Variants in CDK12 observed in about 807,000 individuals in gnomAD.
CDK12 encodes cyclin-dependent kinase 12.
CDK12 carries 17 observed loss-of-function variants against 133.8 expected under a neutral mutation model. The observed-to-expected ratio is 0.13, with a 90% CI of 0.09 to 0.19. The LOEUF (loss-of-function observed/expected upper bound fraction) is 0.19, where lower values mean the gene tolerates loss of function less well. Ranked by LOEUF, CDK12 falls within the 10% of genes least tolerant of loss-of-function variation. The pLI, the probability that CDK12 is intolerant of heterozygous loss-of-function variation, is 1.00. For missense variants in CDK12, 1,508 were observed against 1,818.7 expected (o/e 0.83, Z 3.11); for synonymous variants, 694 against 683.6 (o/e 1.02, Z -0.24).
At chr17:39,536,791 T>G (rs1286511219), downstream of CDK12, among the ~76,000 whole-genome samples, 1 of 152,262 alleles carries the variant, frequency 6.6e-6, no homozygotes, top group East Asian at 1.9e-4. Context: ...AGAAAGAGAC[T>G]GATACTGAGT....
rs141941796 is a variant in CDK12, at chr17:39,490,104, C to T, written c.1932-453C>T. ...TATCTCAGCCAGGCATGGTGGCTCA[C>T]GCCTGTAATCCCAGCATTTTGGGAG... is the stretch of plus-strand genomic sequence containing the variant. On this transcript the variant is annotated intron_variant, in intron 2 of 13. Coordinates refer to ENST00000447079, the MANE Select transcript of CDK12 (RefSeq NM_016507.4). Among the ~76,000 whole-genome samples, 177 of 151,934 alleles carry T rather than the reference C, an allele frequency of 1.2e-3. 3 individuals carry two copies. The East Asian group carries it at 0.032, about 27-fold the overall frequency.
chr17:39,552,360 G>A (rs962176939), intron 2 of CDK12, among the ~76,000 whole-genome samples: 2 of 152,196 alleles, frequency 1.3e-5, no homozygotes, highest in Non-Finnish European at 2.9e-5. Context: ...CAAGGCAGAG[G>A]GCGAAGTTTG....
downstream of CDK12, among the ~76,000 whole-genome samples, chr17:39,565,552 G>A (rs1377851011): frequency 6.6e-6 from 1 of 152,024 alleles, no homozygotes; most frequent in African/African-American, 2.4e-5. Context: ...TTCTGCCTCA[G>A]CCTCCCAAGT....
At chr17:39,542,546 G>A (rs951210888) in intron 1 of CDK12, among the ~76,000 whole-genome samples, 1 of 148,792 alleles carries the variant, frequency 6.7e-6, no homozygotes, top group Non-Finnish European at 1.5e-5. Context: ...TTTCATTCTT[G>A]TTGCCCAGGC....
chr17:39,552,313 CT>C (rs2055987452), intron 2 of CDK12, among the ~76,000 whole-genome samples: 1 of 152,198 alleles, frequency 6.6e-6, no homozygotes, highest in Non-Finnish European at 1.5e-5. Flanking sequence ...GGAAGATTCT[CT>C]TGTTGGGAGA....
chr17:39,544,158 A>G (rs532315850), upstream of CDK12: 16 of 471,844 alleles, frequency 3.4e-5, no homozygotes, highest in East Asian at 3.3e-4. Context: ...TTACCTACCA[A>G]TGGATGCTTC....
downstream of CDK12, among the ~76,000 whole-genome samples, chr17:39,537,896 A>C (rs576916832): frequency 6.6e-6 from 1 of 152,260 alleles, no homozygotes; most frequent in South Asian, 2.1e-4. Flanking sequence ...AGAGGGATAC[A>C]GGATGGAAGG....
At chr17:39,492,332 G>A (rs1203899270) in intron 3 of CDK12, among the ~76,000 whole-genome samples, 6 of 150,690 alleles carry the variant, frequency 4.0e-5, no homozygotes, top group African/African-American at 7.3e-5. Context: ...TCCTGACCTC[G>A]TGATCCACCT....
chr17:39,512,537 A>T (rs536465999), intron 8 of CDK12, among the ~76,000 whole-genome samples: 1 of 152,348 alleles, frequency 6.6e-6, no homozygotes, highest in South Asian at 2.1e-4. Flanking sequence ...TTATGGCCTT[A>T]TTAGGGCAGT....
intron 2 of CDK12, among the ~76,000 whole-genome samples, chr17:39,481,633 GCTCT>G (rs58047556): frequency 1.0e-3 from 18 of 17,594 alleles, no homozygotes; most frequent in East Asian, 5.6e-3. Flanking sequence ...TCGCTCGCGC[GCTCT>G]CTCTCTCTCT....
At chr17:39,505,808 G>C (rs150054359) in intron 6 of CDK12, among the ~76,000 whole-genome samples, 1 of 152,274 alleles carries the variant, frequency 6.6e-6, no homozygotes, top group East Asian at 1.9e-4. Flanking sequence ...ATATATGCAG[G>C]TTCTATAAAG....
intron 11 of CDK12, among the ~76,000 whole-genome samples, chr17:39,522,572 T>G (rs2146637304): frequency 6.6e-6 from 1 of 152,188 alleles, no homozygotes; most frequent in Admixed American, 6.5e-5. Flanking sequence ...GTAGCTGGAT[T>G]ACAGGAGCCC....
At chr17:39,539,870 C>T (rs2055328370) in intron 1 of CDK12, among the ~76,000 whole-genome samples, 1 of 152,076 alleles carries the variant, frequency 6.6e-6, no homozygotes, top group East Asian at 1.9e-4. Context: ...GAAGAGGGCT[C>T]ATGTATGTTT....
chr17:39,546,560 T>A (rs1340423471), upstream of CDK12: 1 of 152,254 alleles, frequency 6.6e-6, no homozygotes, highest in Non-Finnish European at 1.5e-5. Context: ...TCAGTCAAGA[T>A]AGGGCAGTTC....
chr17:39,531,012 A>G lies in CDK12; in HGVS notation c.4169A>G (p.Gln1390Arg), dbSNP rs1481156236. 7.4e-6 allele frequency: 12 copies of G among 1,614,080 alleles called. No homozygotes were observed. Residue 1390 changes from glutamine (Q) to arginine (R), a missense_variant, in exon 14 of 14, where the codon CAG becomes CGG. Gln to Arg is a conservative substitution (Grantham distance 43). Transcript: ENST00000447079. ...CACCTTGGGGAGTCCAGCAGTTACC[A>G]GGGCACAGGGTCAGTGCAGTTTCCA... ...LSHLGESSSY[Q>R]GTGSVQFPGD...
At chr17:39,504,911 AAG>A (rs1376425769) in intron 6 of CDK12, among the ~76,000 whole-genome samples, 1 of 139,016 alleles carries the variant, frequency 7.2e-6, no homozygotes, top group East Asian at 2.2e-4. Context: ...GCTAAGGAGA[AAG>A]AAAATCTATA....
intron 10 of CDK12, 142 bp downstream of exon 10, chr17:39,517,698 A>G (rs983290407): frequency 2.2e-5 from 13 of 594,754 alleles, no homozygotes; most frequent in Middle Eastern, 3.1e-4. Flanking sequence ...CGAACAGTAT[A>G]TGAGTTTTAT....
chr17:39,527,496 T>A (rs186764815), intron 13 of CDK12, among the ~76,000 whole-genome samples: 15 of 152,340 alleles, frequency 9.8e-5, no homozygotes, highest in Non-Finnish European at 4.4e-5. Context: ...CTGTACTTAC[T>A]GGGAAGGGTG....
intron 3 of CDK12, among the ~76,000 whole-genome samples, chr17:39,560,939 AG>A (rs1369408160): frequency 1.3e-5 from 2 of 151,872 alleles, no homozygotes; most frequent in Non-Finnish European, 2.9e-5. Context: ...CGCCTCCACC[AG>A]GGGGTGGAGG....
Sources: gnomAD v4.1 joint callset for allele counts (sites outside exome capture counted in the v4.1 genomes callset) on GRCh38, gnomAD v4.1.1 for gene constraint, MANE v1.5 for transcripts, NCBI Gene and HGNC (gene_info 2026-07-23, HGNC 2026-07-21) for gene names.